SLC14A2: variants seen among roughly 807,000 people sequenced by gnomAD.
The protein encoded by SLC14A2 is solute carrier family 14 member 2, also known as urea transporter 2.
A neutral mutation model predicts 104.6 loss-of-function variants in SLC14A2; 91 were observed. That is an observed-to-expected ratio of 0.87 (90% CI 0.73 to 1.04). The LOEUF is 1.04. SLC14A2 is among the 50% of genes least tolerant of loss of function. The probability of loss-of-function intolerance (pLI) is 0.00; values close to 1 mark genes in which losing one functional copy is unlikely to be tolerated. For missense variants in SLC14A2, 1,189 were observed against 1,156.0 expected (o/e 1.03, Z -0.41); for synonymous variants, 476 against 466.4 (o/e 1.02, Z -0.27).
intron 2 of SLC14A2, among the ~76,000 whole-genome samples, chr18:45,575,908 A>G (rs1343972771): frequency 6.6e-6 from 1 of 151,680 alleles, no homozygotes. Context: ...GAGACACTGT[A>G]CGAAGCAATA....
chr18:45,192,462 A>G, the SLC14A2 span, among the ~76,000 whole-genome samples: 2 of 152,284 alleles, frequency 1.3e-5, no homozygotes, highest in Admixed American at 6.5e-5. Flanking sequence ...TTAGAATGGT[A>G]GGTGTTGTTT....
the SLC14A2 span, among the ~76,000 whole-genome samples, chr18:45,203,395 G>C: frequency 2.0e-5 from 3 of 152,150 alleles, no homozygotes; most frequent in South Asian, 6.2e-4. Flanking sequence ...GTGGGGTAAG[G>C]CCTAGCTCTT....
At chr18:45,284,811 G>C (rs570374263) in intron 1 of SLC14A2, among the ~76,000 whole-genome samples, 114 of 152,258 alleles carry the variant, frequency 7.5e-4, no homozygotes, top group Non-Finnish European at 1.3e-3. Flanking sequence ...GTGCATCGAT[G>C]AACTAGAAGT....
chr18:45,552,063 T>G (rs2144285077), intron 2 of SLC14A2, among the ~76,000 whole-genome samples: 1 of 152,164 alleles, frequency 6.6e-6, no homozygotes, highest in African/African-American at 2.4e-5. Context: ...CCCAGAGAAG[T>G]GAAATAACTA....
In SLC14A2 at chr18:45,363,838, G is replaced by T. The variant is rs188073642; in HGVS notation, c.-124-119395G>T. Reference sequence around the variant, plus strand: ...CTGGGGTGTCACGCTGGGGATGGGGGAAAGTCACCTCCTCAGGCCTCACTT... The same window carrying T: ...CTGGGGTGTCACGCTGGGGATGGGGTAAAGTCACCTCCTCAGGCCTCACTT... On this transcript the variant is annotated intron_variant, in intron 1 of 20. Coordinates refer to the SLC14A2 transcript ENST00000586448. 1.9e-3 allele frequency among the ~76,000 whole-genome samples: 284 copies of T among 151,600 alleles called. 1 individual carries two copies. The highest frequency in any genetic ancestry group is 0.01 in the Middle Eastern group (3 of 292).
At chr18:45,535,181 G>A (rs1231721759) in intron 2 of SLC14A2, among the ~76,000 whole-genome samples, 1 of 152,188 alleles carries the variant, frequency 6.6e-6, no homozygotes, top group African/African-American at 2.4e-5. Context: ...CGTCTGGTGA[G>A]TATCACTGCC....
At chr18:45,466,304 T>C (rs930111466) in intron 1 of SLC14A2, among the ~76,000 whole-genome samples, 2 of 151,360 alleles carry the variant, frequency 1.3e-5, no homozygotes, top group Non-Finnish European at 2.9e-5. Flanking sequence ...GAAAAGATGA[T>C]GGACAAAGAC....
chr18:45,675,646 G>A (rs1248730849), intron 18 of SLC14A2, among the ~76,000 whole-genome samples: 6 of 148,642 alleles, frequency 4.0e-5, no homozygotes, highest in Middle Eastern at 3.6e-3. Flanking sequence ...TCCTGAGTAG[G>A]TGGGGCTGTA....
At chr18:45,410,078 A>T (rs565188090) in intron 1 of SLC14A2, among the ~76,000 whole-genome samples, 2 of 152,286 alleles carry the variant, frequency 1.3e-5, no homozygotes, top group East Asian at 3.9e-4. Flanking sequence ...CACAACCTGG[A>T]GCCCTCCCAT....
At chr18:45,631,735 C>T (rs2045348529) in intron 4 of SLC14A2, among the ~76,000 whole-genome samples, 1 of 152,218 alleles carries the variant, frequency 6.6e-6, no homozygotes, top group African/African-American at 2.4e-5. Flanking sequence ...GATCCTCCCA[C>T]CTTAGCCTTC....
intron 1 of SLC14A2, among the ~76,000 whole-genome samples, chr18:45,246,967 A>G (rs1180550298): frequency 1.3e-5 from 2 of 152,220 alleles, no homozygotes; most frequent in African/African-American, 4.8e-5. Flanking sequence ...TTTGAAAAAG[A>G]AGAAACTAGA....
chr18:45,595,284 G>C (rs1659884931), intron 2 of SLC14A2, among the ~76,000 whole-genome samples: 1 of 151,504 alleles, frequency 6.6e-6, no homozygotes, highest in African/African-American at 2.4e-5. Flanking sequence ...CAACATCTCT[G>C]TGAGGAATTA....
intron 5 of SLC14A2, among the ~76,000 whole-genome samples, chr18:45,633,833 C>T (rs190264427): frequency 4.6e-4 from 70 of 152,314 alleles, no homozygotes; most frequent in African/African-American, 1.6e-3. Context: ...TAAATTACTA[C>T]ATTAAGGATT....
intron 2 of SLC14A2, among the ~76,000 whole-genome samples, chr18:45,563,134 G>A (rs531864894): frequency 6.6e-6 from 1 of 152,370 alleles, no homozygotes; most frequent in African/African-American, 2.4e-5. Context: ...CTCTGAGGCA[G>A]TGTGACAAAA....
chr18:45,313,703 T>A (rs1009251295), intron 1 of SLC14A2, among the ~76,000 whole-genome samples: 14 of 152,154 alleles, frequency 9.2e-5, no homozygotes, highest in Non-Finnish European at 1.3e-4. Context: ...AGTTAATACA[T>A]GTAAAGTGCT....
intron 1 of SLC14A2, among the ~76,000 whole-genome samples, chr18:45,244,138 CT>C (rs1463046531): frequency 6.6e-6 from 1 of 152,190 alleles, no homozygotes; most frequent in Non-Finnish European, 1.5e-5. Context: ...TCCGAGCCCC[CT>C]GGGCAGCCCA....
At chr18:45,448,365 G>T (rs779512276) in intron 1 of SLC14A2, among the ~76,000 whole-genome samples, 13 of 152,174 alleles carry the variant, frequency 8.5e-5, no homozygotes, top group Admixed American at 6.5e-5. Flanking sequence ...ATGACAGTTT[G>T]TACAATGAAA....
chr18:45,379,957 A>G (rs1390906504), intron 1 of SLC14A2, among the ~76,000 whole-genome samples: 1 of 152,168 alleles, frequency 6.6e-6, no homozygotes, highest in East Asian at 1.9e-4. Context: ...AGTAATGCCC[A>G]CCCCACCTTC....
intron 1 of SLC14A2, among the ~76,000 whole-genome samples, chr18:45,240,663 G>A (rs1161957840): frequency 6.8e-6 from 1 of 147,062 alleles, no homozygotes; most frequent in Non-Finnish European, 1.5e-5. Context: ...TTTGTTTTTG[G>A]TTTTGCCTTT....
Sources: gnomAD v4.1 joint callset for allele counts (sites outside exome capture counted in the v4.1 genomes callset) on GRCh38, gnomAD v4.1.1 for gene constraint, MANE v1.5 for transcripts, NCBI Gene and HGNC (gene_info 2026-07-23, HGNC 2026-07-21) for gene names.